The following FGF14 variants were observed in gnomAD, a reference collection of about 807,000 sequenced individuals.
FGF14 encodes fibroblast growth factor 14.
Under a neutral mutation model 25.5 loss-of-function variants are expected in FGF14, and 5 were observed. The ratio of observed to expected loss-of-function variants is 0.20; its 90% CI spans 0.10 to 0.41. The LOEUF (loss-of-function observed/expected upper bound fraction) is 0.41, where lower values mean the gene tolerates loss of function less well. FGF14 is among the 10% of genes least tolerant of loss of function. The pLI is 1.00. For synonymous variants in FGF14, 138 were observed against 118.3 expected, an observed-to-expected ratio of 1.17 and a Z score of -1.08; for missense variants, 222 against 320.1, an observed-to-expected ratio of 0.69 and a Z score of 2.34.
In FGF14 at chr13:101,717,066, G is replaced by T. The variant is rs1287530119; in HGVS notation, c.*5765C>A. 6.6e-6 allele frequency: 1 copy of T among 151,596 alleles called. No individual in the cohort carries two copies. Among genetic ancestry groups the T allele is most frequent in the Non-Finnish European group, 1.5e-5 (1 of 67,914 alleles). The allele number at this position is 151,596 out of a possible 1,614,324, so 9.4% of individuals were successfully genotyped here. On this transcript the variant is annotated 3_prime_UTR_variant, in exon 5 of 5. Coordinates refer to ENST00000376143, the MANE Select transcript of FGF14 (RefSeq NM_004115.4). The stretch of plus-strand genomic sequence containing the variant: ...TTACTTTGTAAAATCCTAGAATAAT[G>T]TAGCAAAATCATTTCCGTATTACTT...
In FGF14 at chr13:102,034,781, C is replaced by T. The variant is rs112230622; in HGVS notation, c.209-159485G>A. Among the ~76,000 whole-genome samples, 682 of 152,164 alleles carry T rather than the reference C, an allele frequency of 4.5e-3. 5 individuals are homozygous for T. Among genetic ancestry groups the T allele is most frequent in the African/African-American group, 0.015 (630 of 41,532 alleles). ...GTGGCATTAGATGATGGCTATGCCA[C>T]GAAACTTTAAAAATAAAAAGCACTA... On this transcript the variant is annotated intron_variant, in intron 1 of 4. Coordinates refer to the FGF14 transcript ENST00000376131.
In FGF14 at chr13:101,714,549, C is replaced by T; in HGVS notation, c.*8282G>A. 1 of 1,560,862 alleles carries T rather than the reference C, an allele frequency of 6.4e-7. No individual in the cohort carries two copies. The highest frequency in any genetic ancestry group is 8.8e-7 in the Non-Finnish European group (1 of 1,131,614). ...GACAAACATGATGGTCTCATTTGTA[C>T]AGGTGCAGTATTAACCTTTTCTAAT... On this transcript the variant is annotated 3_prime_UTR_variant, in exon 5 of 5. Transcript: ENST00000376143.
At chr13:102,061,888 C>T (rs2042704459) in intron 1 of FGF14, among the ~76,000 whole-genome samples, 1 of 152,158 alleles carries the variant, frequency 6.6e-6, no homozygotes, top group South Asian at 2.1e-4. Flanking sequence ...TCCTCCATGA[C>T]TTTTCTGACA....
At chr13:101,922,864 A>G (rs1380915511) in intron 1 of FGF14, among the ~76,000 whole-genome samples, 2 of 151,976 alleles carry the variant, frequency 1.3e-5, no homozygotes, top group Middle Eastern at 3.2e-3. Flanking sequence ...CAAATGAACA[A>G]AAAAATCCAA....
chr13:101,752,090 G>A (rs2037322129), intron 3 of FGF14, among the ~76,000 whole-genome samples: 2 of 152,068 alleles, frequency 1.3e-5, no homozygotes, highest in South Asian at 4.1e-4. Flanking sequence ...TTGTGAAACA[G>A]ATTAAACAGC....
At chr13:101,818,242 C>T (rs1027978446) in intron 3 of FGF14, among the ~76,000 whole-genome samples, 1 of 152,180 alleles carries the variant, frequency 6.6e-6, no homozygotes, top group Non-Finnish European at 1.5e-5. Context: ...TTTCTTGAAA[C>T]TTCTTTAGGT....
chr13:102,201,635 C>G (rs1038151673), intron 1 of FGF14, among the ~76,000 whole-genome samples: 2 of 152,108 alleles, frequency 1.3e-5, no homozygotes, highest in African/African-American at 4.8e-5. Flanking sequence ...GGTCCAGAAA[C>G]TGAATGATGA....
At chr13:102,264,547 G>A (rs1351949357) in intron 1 of FGF14, among the ~76,000 whole-genome samples, 1 of 55,736 alleles carries the variant, frequency 1.8e-5, no homozygotes, top group African/African-American at 1.8e-4. Context: ...TACGATTTGG[G>A]GTTCTATAGC....
chr13:102,330,492 T>TA (rs1487427775), intron 1 of FGF14, among the ~76,000 whole-genome samples: 11 of 152,134 alleles, frequency 7.2e-5, no homozygotes, highest in African/African-American at 1.9e-4. Flanking sequence ...CTTACAAAAT[T>TA]AAAAAAATCC....
chr13:101,929,638 A>G (rs1157229672), intron 1 of FGF14, among the ~76,000 whole-genome samples: 3 of 152,236 alleles, frequency 2.0e-5, no homozygotes, highest in Non-Finnish European at 4.4e-5. Flanking sequence ...ACCTCTTCCC[A>G]TGCTTTTCTA....
intron 1 of FGF14, among the ~76,000 whole-genome samples, chr13:101,876,524 C>T (rs554152708): frequency 6.6e-6 from 1 of 152,240 alleles, no homozygotes; most frequent in East Asian, 1.9e-4. Context: ...TTTCTATGCA[C>T]ATCATTTAAA....
chr13:102,301,938 T>C (rs1171317631), intron 1 of FGF14, among the ~76,000 whole-genome samples: 1 of 150,852 alleles, frequency 6.6e-6, no homozygotes, highest in Admixed American at 6.6e-5. Context: ...GAAGAACACA[T>C]GCCCACCACC....
chr13:101,723,249 T>A (rs532006705), intron 4 of FGF14: 1 of 443,064 alleles, frequency 2.3e-6, no homozygotes, highest in Admixed American at 3.5e-5. Flanking sequence ...TATGGCCTCT[T>A]TGTGGGTCCA....
intron 3 of FGF14, among the ~76,000 whole-genome samples, chr13:101,856,571 T>C (rs1193586365): frequency 6.6e-6 from 1 of 151,980 alleles, no homozygotes; most frequent in Non-Finnish European, 1.5e-5. Context: ...CATAATTTTG[T>C]TACCATTATT....
intron 1 of FGF14, among the ~76,000 whole-genome samples, chr13:101,925,884 C>A (rs375661732): frequency 3.3e-4 from 50 of 152,238 alleles, no homozygotes; most frequent in African/African-American, 1.2e-3. Flanking sequence ...GAGAAGAATC[C>A]ATTTCCCTGC....
At chr13:102,202,434 C>G (rs183958135) in intron 1 of FGF14, among the ~76,000 whole-genome samples, 1 of 152,256 alleles carries the variant, frequency 6.6e-6, no homozygotes, top group East Asian at 1.9e-4. Context: ...TATGATACTA[C>G]AGAGAGAGAA....
chr13:102,046,141 A>T (rs1566615232), intron 1 of FGF14: 1 of 154,304 alleles, frequency 6.5e-6, no homozygotes, highest in Non-Finnish European at 1.5e-5. Context: ...CTGACTCTCC[A>T]GTTACCCAAC....
At chr13:101,757,900 A>G (rs2037765213) in intron 3 of FGF14, among the ~76,000 whole-genome samples, 1 of 152,218 alleles carries the variant, frequency 6.6e-6, no homozygotes, top group African/African-American at 2.4e-5. Flanking sequence ...ATGACAGTAG[A>G]AAAGTAAGTA....
intron 3 of FGF14, among the ~76,000 whole-genome samples, chr13:101,867,989 T>TGTTTGG (rs1360897873): frequency 1.3e-5 from 2 of 151,520 alleles, no homozygotes; most frequent in Non-Finnish European, 2.9e-5. Flanking sequence ...GTGGTGATAT[T>TGTTTGG]TAACAATGAC....
Sources: gnomAD v4.1 joint callset for allele counts (sites outside exome capture counted in the v4.1 genomes callset) on GRCh38, gnomAD v4.1.1 for gene constraint, MANE v1.5 for transcripts, NCBI Gene and HGNC (gene_info 2026-07-23, HGNC 2026-07-21) for gene names.